The following SPHKAP variants were observed in gnomAD, a reference collection of about 807,000 sequenced individuals.
SPHKAP encodes the protein A-kinase anchor protein SPHKAP.
In SPHKAP, 67 loss-of-function variants were observed where a neutral mutation model predicts 137.5. The observed-to-expected ratio is 0.49, with a 90% CI of 0.40 to 0.60. The LOEUF is 0.60. Ranked by LOEUF, SPHKAP falls within the 20% of genes least tolerant of loss-of-function variation. The pLI, the probability that SPHKAP is intolerant of heterozygous loss-of-function variation, is 0.00. For missense variants in SPHKAP, 2,097 were observed against 2,069.3 expected, an observed-to-expected ratio of 1.01 and a Z score of -0.26; for synonymous variants, 813 against 785.3, an observed-to-expected ratio of 1.04 and a Z score of -0.59.
intron 7 of SPHKAP, among the ~76,000 whole-genome samples, chr2:227,997,998 GTTT>G: frequency 6.6e-6 from 1 of 152,046 alleles, no homozygotes; most frequent in East Asian, 1.9e-4. Context: ...CAAGCTGGTA[GTTT>G]TTTGTTTGTT....
chr2:228,019,594 G>A lies in SPHKAP; in HGVS notation c.1260C>T (p.Val420=). The change falls in exon 7 of 12, where the codon GTC becomes GTT. Residue 420 remains valine, a synonymous_variant. Transcript: ENST00000392056. ...SQSTLPQESA[V]SVSVGSSLLP... is the part of the protein sequence containing the mutation. ...GCAGAGAACTTCCTACAGAAACACTGACTGCAGATTCCTGGGGTAATGTGG... is the reference window on the plus strand; with the variant it reads ...GCAGAGAACTTCCTACAGAAACACTAACTGCAGATTCCTGGGGTAATGTGG... 1 of 1,614,130 alleles carries A rather than the reference G, an allele frequency of 6.2e-7. No individual in the cohort carries two copies. Among genetic ancestry groups the A allele is most frequent in the Non-Finnish European group, 8.5e-7 (1 of 1,180,002 alleles).
Position 228,092,703 on chromosome 2 carries a change from G to GTA in SPHKAP, c.246+16127_246+16128dup, listed in dbSNP as rs1559169717. On this transcript the variant is annotated intron_variant, in intron 3 of 11. Transcript: ENST00000392056. ...CATGTATATACGTGTATATATATAT[G>GTA]TATATATATAACACTACTCAGCCAT... Among the ~76,000 whole-genome samples, 54 of 148,660 alleles carry GTA rather than the reference G, an allele frequency of 3.6e-4. 2 individuals are homozygous for GTA. The South Asian group carries it at 0.011, about 32-fold the overall frequency.
intron 7 of SPHKAP, among the ~76,000 whole-genome samples, chr2:228,009,103 G>A (rs570848468): frequency 7.9e-5 from 12 of 152,202 alleles, no homozygotes; most frequent in East Asian, 1.9e-4. Context: ...TCCTATTAAC[G>A]AATAGCCTTT....
intron 3 of SPHKAP, among the ~76,000 whole-genome samples, chr2:228,031,053 C>A (rs1695291514): frequency 6.6e-6 from 1 of 152,176 alleles, no homozygotes; most frequent in African/African-American, 2.4e-5. Context: ...GTGCATGAGC[C>A]AAAGGAGGGC....
At chr2:228,102,274 G>T (rs542709808) in intron 3 of SPHKAP, among the ~76,000 whole-genome samples, 11 of 151,260 alleles carry the variant, frequency 7.3e-5, no homozygotes, top group Non-Finnish European at 5.9e-5. Flanking sequence ...TTGTCATTTG[G>T]TTTTTAAATT....
chr2:228,088,149 C>A (rs964829113), intron 3 of SPHKAP, among the ~76,000 whole-genome samples: 12 of 152,056 alleles, frequency 7.9e-5, no homozygotes, highest in African/African-American at 2.9e-4. Flanking sequence ...GAGAGACCCA[C>A]AAATTGTAAA....
Position 227,986,232 on chromosome 2 carries a change from GT to G in SPHKAP, c.4960-4373del, listed in dbSNP as rs1284025121. Reference sequence around the variant, plus strand: ...TTTGAAGCTGATAACCTTAACTGTAGTTTTTTTGTCTTTGTATTTGCAAAGG... The same window carrying G: ...TTTGAAGCTGATAACCTTAACTGTAGTTTTTTGTCTTTGTATTTGCAAAGG... On this transcript the variant is annotated intron_variant, in intron 11 of 11. Transcript: ENST00000392056. Among the ~76,000 whole-genome samples, 4 of 152,088 alleles carry G rather than the reference GT, an allele frequency of 2.6e-5. No individual in the cohort carries two copies. In the South Asian group the frequency reaches 8.3e-4, roughly 31 times the overall value.
intron 1 of SPHKAP, among the ~76,000 whole-genome samples, chr2:228,176,389 A>G (rs2106435015): frequency 6.6e-6 from 1 of 152,340 alleles, no homozygotes. Context: ...GCTACAATAC[A>G]GGTTGTGGCA....
At chr2:228,034,067 T>C (rs1695469695) in intron 3 of SPHKAP, among the ~76,000 whole-genome samples, 1 of 152,138 alleles carries the variant, frequency 6.6e-6, no homozygotes, top group Admixed American at 6.6e-5. Context: ...CAAAAAATCC[T>C]TCAAAAAATT....
At chr2:228,153,709 A>G (rs1458010920) in intron 1 of SPHKAP, among the ~76,000 whole-genome samples, 1 of 152,226 alleles carries the variant, frequency 6.6e-6, no homozygotes, top group East Asian at 1.9e-4. Flanking sequence ...ACTTTTCAAT[A>G]CTTTTAAAAT....
chr2:228,118,239 AGTTTTTT>A (rs1698780831), intron 2 of SPHKAP, among the ~76,000 whole-genome samples: 3 of 104,118 alleles, frequency 2.9e-5, no homozygotes, highest in African/African-American at 9.8e-5. Context: ...GGAGATACAC[AGTTTTTT>A]TTTTTTTTTT....
intron 1 of SPHKAP, among the ~76,000 whole-genome samples, chr2:228,180,483 C>T (rs1393407045): frequency 6.6e-6 from 1 of 152,130 alleles, no homozygotes; most frequent in Non-Finnish European, 1.5e-5. Flanking sequence ...TCCAAGAATC[C>T]GAACTTAAAG....
chr2:228,037,049 A>G (rs2106251116), intron 3 of SPHKAP, among the ~76,000 whole-genome samples: 1 of 152,210 alleles, frequency 6.6e-6, no homozygotes, highest in South Asian at 2.1e-4. Flanking sequence ...ATAAATAAAT[A>G]GATAAAATAT....
At chr2:228,159,753 G>A (rs2106411442) in intron 1 of SPHKAP, among the ~76,000 whole-genome samples, 1 of 152,180 alleles carries the variant, frequency 6.6e-6, no homozygotes, top group South Asian at 2.1e-4. Flanking sequence ...AGACTACAGG[G>A]GGCTTCAATC....
intron 3 of SPHKAP, among the ~76,000 whole-genome samples, chr2:228,055,171 G>T (rs983326191): frequency 7.2e-6 from 1 of 138,190 alleles, no homozygotes; most frequent in Non-Finnish European, 1.6e-5. Flanking sequence ...TGGTTTGAAA[G>T]ATTGTAGGAT....
chr2:228,064,558 T>C (rs577940096), intron 3 of SPHKAP, among the ~76,000 whole-genome samples: 46 of 152,364 alleles, frequency 3.0e-4, no homozygotes, highest in African/African-American at 1.1e-3. Context: ...TCTGGCAGTC[T>C]AGCTTTATTC....
At chr2:228,065,017 G>A (rs1458613492) in intron 3 of SPHKAP, among the ~76,000 whole-genome samples, 1 of 152,226 alleles carries the variant, frequency 6.6e-6, no homozygotes. Flanking sequence ...ATGGCTTGCT[G>A]TAAATACAGT....
rs549459949 is a variant in SPHKAP, at chr2:228,175,225, A to G, written c.32+6342T>C. Among the ~76,000 whole-genome samples the G allele has an allele frequency of 5.4e-4, 82 of 152,252 alleles. 1 individual carries two copies. In the South Asian group the frequency reaches 0.016, roughly 30 times the overall value. On this transcript the variant is annotated intron_variant, in intron 1 of 11. Coordinates refer to ENST00000392056, the MANE Select transcript of SPHKAP (RefSeq NM_001142644.2). ...AGATCCAAGAAGCTCTTTGGATAGA[A>G]GAGAAGTTAATACTAGGCAGAAACT...
At chr2:228,111,019 C>T (rs1315023246) in intron 2 of SPHKAP, among the ~76,000 whole-genome samples, 3 of 151,874 alleles carry the variant, frequency 2.0e-5, no homozygotes, top group East Asian at 1.9e-4. Flanking sequence ...TCTCTCTAAA[C>T]GAGAGTTTCT....
Sources: gnomAD v4.1 joint callset for allele counts (sites outside exome capture counted in the v4.1 genomes callset) on GRCh38, gnomAD v4.1.1 for gene constraint, MANE v1.5 for transcripts, NCBI Gene and HGNC (gene_info 2026-07-23, HGNC 2026-07-21) for gene names.